The following FAM13A variants were observed in gnomAD, a reference collection of about 807,000 sequenced individuals.
FAM13A encodes family with sequence similarity 13 member A.
A neutral mutation model predicts 129.6 loss-of-function variants in FAM13A; 76 were observed. The ratio of observed to expected loss-of-function variants is 0.59; its 90% CI spans 0.49 to 0.71. The LOEUF (loss-of-function observed/expected upper bound fraction) is 0.71. Ranked by LOEUF, FAM13A falls within the 30% of genes least tolerant of loss-of-function variation. The pLI, the probability that FAM13A is intolerant of heterozygous loss-of-function variation, is 0.00. For synonymous variants in FAM13A, 443 were observed against 449.9 expected (o/e 0.98, Z 0.20); for missense variants, 1,108 against 1,249.3 (o/e 0.89, Z 1.70).
At chr4:88,873,309 T>TA (rs1290214815) in intron 6 of FAM13A, among the ~76,000 whole-genome samples, 4 of 151,762 alleles carry the variant, frequency 2.6e-5, no homozygotes, top group African/African-American at 9.7e-5. Context: ...CTGAAGGAAA[T>TA]AGAGACACAA....
At chr4:88,821,254 T>C (rs1199505192) in intron 7 of FAM13A, among the ~76,000 whole-genome samples, 2 of 152,202 alleles carry the variant, frequency 1.3e-5, no homozygotes, top group Non-Finnish European at 2.9e-5. Context: ...GCAGTAAAGA[T>C]TGCAGGGAAA....
intron 1 of FAM13A, among the ~76,000 whole-genome samples, chr4:89,045,143 T>C (rs895478088): frequency 1.3e-5 from 2 of 151,608 alleles, no homozygotes; most frequent in Non-Finnish European, 2.9e-5. Flanking sequence ...AGAACACAAA[T>C]CAGAAATAAA....
intron 6 of FAM13A, among the ~76,000 whole-genome samples, chr4:88,863,346 C>A (rs555117464): frequency 6.6e-6 from 1 of 152,114 alleles, no homozygotes; most frequent in South Asian, 2.1e-4. Context: ...GGAGGTGCTG[C>A]GAGGGTGGTG....
rs976056934 is a variant in FAM13A, at chr4:88,861,272, T to C, written c.844-10089A>G. ...TGTGCATGCCTGTAATCCCAGCTAC[T>C]CAGGAGGCTGAGGCAGGAAAATCGC... On this transcript the variant is annotated intron_variant, in intron 6 of 23. Transcript: ENST00000264344. Among the ~76,000 whole-genome samples the C allele has an allele frequency of 2.0e-5, 3 of 150,660 alleles. No individual in the cohort carries two copies. In the East Asian group the frequency reaches 5.9e-4, roughly 30 times the overall value.
At chr4:88,816,897 T>A (rs1256706182) in intron 7 of FAM13A, among the ~76,000 whole-genome samples, 1 of 152,238 alleles carries the variant, frequency 6.6e-6, no homozygotes, top group African/African-American at 2.4e-5. Context: ...ATAGAGTCTA[T>A]ATTTTCATAA....
At chr4:89,048,651 A>G (rs1482730036) in intron 1 of FAM13A, among the ~76,000 whole-genome samples, 1 of 152,234 alleles carries the variant, frequency 6.6e-6, no homozygotes, top group Non-Finnish European at 1.5e-5. Context: ...CTTCCCGTCA[A>G]AATAAGACTA....
chr4:88,988,076 A>G (rs936402807), intron 4 of FAM13A, among the ~76,000 whole-genome samples: 1 of 152,164 alleles, frequency 6.6e-6, no homozygotes, highest in Non-Finnish European at 1.5e-5. Context: ...GCAAACCACC[A>G]TGGCACATGT....
chr4:88,746,699 A>G (rs1741415313), intron 19 of FAM13A, among the ~76,000 whole-genome samples: 1 of 152,156 alleles, frequency 6.6e-6, no homozygotes, highest in Admixed American at 6.5e-5. Flanking sequence ...TTTTAGTTGC[A>G]AACCAATTTT....
intron 10 of FAM13A, among the ~76,000 whole-genome samples, chr4:88,784,366 A>T (rs763184005): frequency 5.3e-5 from 8 of 152,194 alleles, no homozygotes; most frequent in Non-Finnish European, 1.2e-4. Context: ...TATAAAACAC[A>T]TGGTTGTATT....
intron 7 of FAM13A, among the ~76,000 whole-genome samples, chr4:88,840,512 G>T (rs1021425484): frequency 6.6e-6 from 1 of 151,576 alleles, no homozygotes; most frequent in African/African-American, 2.4e-5. Flanking sequence ...GCCCTTGAGC[G>T]AGAGGGGATG....
chr4:88,854,578 T>C (rs1738178193), intron 6 of FAM13A, among the ~76,000 whole-genome samples: 1 of 152,244 alleles, frequency 6.6e-6, no homozygotes, highest in Admixed American at 6.5e-5. Flanking sequence ...AACTTTTGTA[T>C]GTGAAGGTAA....
chr4:89,011,840 C>A (rs1765778421), intron 3 of FAM13A, among the ~76,000 whole-genome samples: 2 of 152,164 alleles, frequency 1.3e-5, no homozygotes, highest in Non-Finnish European at 1.5e-5. Flanking sequence ...TTGTTAGTTA[C>A]CACTGACTGG....
intron 11 of FAM13A, among the ~76,000 whole-genome samples, chr4:88,775,627 AGCCCAGGAGTTGGATGTT>A (rs1721557851): frequency 2.0e-5 from 3 of 152,114 alleles, no homozygotes. Flanking sequence ...GGATCCCTTA[AGCCCAGGAGTTGGATGTT>A]GCAGTGAGCT....
rs1724847409 is a variant in FAM13A at position 88,790,222 on chromosome 4, T to G, written c.1091+364A>C. Among the ~76,000 whole-genome samples, 2 of 152,110 alleles carry G rather than the reference T, an allele frequency of 1.3e-5. 1 individual carries two copies. Among genetic ancestry groups the G allele is most frequent in the East Asian group, 3.9e-4 (2 of 5,186 alleles). ...TGTAGGTTCAGTCAAATGAACTAAGTAGGGAGTAAAGACATGATTAATGGT... is the reference window on the plus strand; with the variant it reads ...TGTAGGTTCAGTCAAATGAACTAAGGAGGGAGTAAAGACATGATTAATGGT... On this transcript the variant is annotated intron_variant, in intron 9 of 23. Transcript: ENST00000264344.
intron 13 of FAM13A, among the ~76,000 whole-genome samples, chr4:88,759,814 A>C (rs1744436071): frequency 6.6e-6 from 1 of 152,190 alleles, no homozygotes; most frequent in Admixed American, 6.5e-5. Flanking sequence ...CTGATATTCA[A>C]ATTAATAATT....
In FAM13A at chr4:88,781,313, T is replaced by A. The variant is rs115398045; in HGVS notation, c.1310A>T (p.Asn437Ile). 6.2e-7 allele frequency: 1 copy of A among 1,610,410 alleles called. No homozygotes were observed. The highest frequency in any genetic ancestry group is 1.3e-5 in the African/African-American group (1 of 74,692). ...INKENTPSGF[N>I]HLDDCILNTQ... Reference sequence around the variant, plus strand: ...ATTCAAAATACAATCATCAAGGTGGTTGAACCCAGAAGGAGTATTTTCTTT... The same window carrying A: ...ATTCAAAATACAATCATCAAGGTGGATGAACCCAGAAGGAGTATTTTCTTT... The change falls in exon 11 of 24, where the codon AAC becomes ATC. Residue 437 changes from asparagine (N) to isoleucine (I), a missense_variant. Coordinates refer to ENST00000264344, the MANE Select transcript of FAM13A (RefSeq NM_014883.4).
chr4:88,758,123 T>C (rs1318378306), intron 14 of FAM13A, among the ~76,000 whole-genome samples: 2 of 152,166 alleles, frequency 1.3e-5, no homozygotes, highest in African/African-American at 4.8e-5. Context: ...TTGACAAGGC[T>C]ACTCTCTTCT....
At chr4:88,962,122 CAATT>C (rs1758703743) in intron 4 of FAM13A, among the ~76,000 whole-genome samples, 1 of 148,934 alleles carries the variant, frequency 6.7e-6, no homozygotes, top group Admixed American at 6.7e-5. Flanking sequence ...TAAATATGTA[CAATT>C]ATTATTTGTC....
rs1275390854 is a variant in FAM13A at position 88,726,595 on chromosome 4, A to G, written c.*1938T>C. On this transcript the variant is annotated 3_prime_UTR_variant, in exon 24 of 24. Coordinates refer to ENST00000264344, the MANE Select transcript of FAM13A (RefSeq NM_014883.4). ...CTGGTAATGATCTGATTAATATCAT[A>G]GCTTATTTAAGAGAGCTATTAAAGG... 2.6e-5 allele frequency: 4 copies of G among 152,592 alleles called. No individual in the cohort carries two copies. The highest frequency in any genetic ancestry group is 4.4e-5 in the Non-Finnish European group (3 of 68,046). The allele number at this position is 152,592 out of a possible 1,614,324, so 9.5% of individuals were successfully genotyped here.
Sources: allele counts gnomAD v4.1 joint callset (sites outside exome capture counted in the v4.1 genomes callset), GRCh38; gene constraint gnomAD v4.1.1; transcripts MANE v1.5; gene names NCBI Gene and HGNC (gene_info 2026-07-23, HGNC 2026-07-21).